Variants in RNF170 observed in about 807,000 individuals in gnomAD.
RNF170 encodes the protein ring finger protein 170.
A neutral mutation model predicts 32.7 loss-of-function variants in RNF170; 12 were observed. The ratio of observed to expected loss-of-function variants is 0.37; its 90% CI spans 0.24 to 0.60. The LOEUF (loss-of-function observed/expected upper bound fraction) is 0.60, where lower values mean the gene tolerates loss of function less well. Ranked by LOEUF, RNF170 falls within the 20% of genes least tolerant of loss-of-function variation. RNF170 has a pLI of 0.72. For synonymous variants in RNF170, 91 were observed against 103.6 expected (o/e 0.88, Z 0.74); for missense variants, 212 against 311.2 (o/e 0.68, Z 2.40).
chr8:42,882,359 A>G (rs1805481642), intron 2 of RNF170, among the ~76,000 whole-genome samples: 2 of 152,176 alleles, frequency 1.3e-5, no homozygotes, highest in Admixed American at 1.3e-4. Context: ...GAGAAACTAA[A>G]TATGGTATGT....
chr8:42,888,265 C>T (rs568816505), intron 1 of RNF170, among the ~76,000 whole-genome samples: 2 of 151,794 alleles, frequency 1.3e-5, no homozygotes, highest in Admixed American at 1.3e-4. Flanking sequence ...AGGGTTTCAC[C>T]GTGTTAGCCA....
At chr8:42,851,168 G>T (rs960543313), downstream of RNF170, among the ~76,000 whole-genome samples, 1 of 152,090 alleles carries the variant, frequency 6.6e-6, no homozygotes, top group Admixed American at 6.5e-5. Context: ...TGGACACACA[G>T]AACTCTCCTT....
chr8:42,876,273 C>G (rs1312934328), intron 2 of RNF170, among the ~76,000 whole-genome samples: 2 of 151,190 alleles, frequency 1.3e-5, no homozygotes, highest in East Asian at 3.9e-4. Context: ...TATTCTACCA[C>G]CAGATTTAAG....
chr8:42,887,430 A>C (rs969416052), intron 2 of RNF170, among the ~76,000 whole-genome samples: 6 of 152,300 alleles, frequency 3.9e-5, no homozygotes, highest in Middle Eastern at 3.4e-3. Flanking sequence ...TATCACCTAC[A>C]AGTTGATGGA....
Position 42,855,166 on chromosome 8 carries a change from G to A in RNF170, c.*993C>T. On this transcript the variant is annotated 3_prime_UTR_variant, in exon 7 of 7. Coordinates refer to ENST00000527424, the MANE Select transcript of RNF170 (RefSeq NM_030954.4). Reference sequence around the variant, plus strand: ...TTTTATATCTACTACGAAAGGATGAGCTCTTGTTTAAATGTCTAACTGTGA... The same window carrying A: ...TTTTATATCTACTACGAAAGGATGAACTCTTGTTTAAATGTCTAACTGTGA... 7.8e-7 allele frequency: 1 copy of A among 1,286,326 alleles called. No individual in the cohort carries two copies. Among genetic ancestry groups the A allele is most frequent in the Non-Finnish European group, 1.0e-6 (1 of 988,574 alleles). The allele number at this position is 1,286,326 out of a possible 1,614,324, so 79.7% of individuals were successfully genotyped here. A position where few individuals can be genotyped will look rare whatever the true frequency, so the allele number is the denominator to read the frequency against.
At chr8:42,892,416 A>G (rs146593125) in intron 1 of RNF170, among the ~76,000 whole-genome samples, 5 of 152,252 alleles carry the variant, frequency 3.3e-5, no homozygotes, top group African/African-American at 1.2e-4. Flanking sequence ...TTACCCACCT[A>G]GGCCTCCCAA....
rs1350031726 is a variant in RNF170 at position 42,865,035 on chromosome 8, T to C, written c.396+381A>G. Among the ~76,000 whole-genome samples, 8 of 151,556 alleles carry C rather than the reference T, an allele frequency of 5.3e-5. No homozygotes were observed. The South Asian group carries it at 1.2e-3, about 24-fold the overall frequency. On this transcript the variant is annotated intron_variant, in intron 5 of 6. Coordinates refer to ENST00000527424, the MANE Select transcript of RNF170 (RefSeq NM_030954.4). ...ACCTTTGGAGGCTGAGGCAGGAGGA[T>C]TGCTTGCGTTCAGGAGTTTCAGACC... is the stretch of plus-strand genomic sequence containing the variant.
At chr8:42,872,056 T>C (rs1465518499) in intron 3 of RNF170, among the ~76,000 whole-genome samples, 1 of 152,194 alleles carries the variant, frequency 6.6e-6, no homozygotes, top group African/African-American at 2.4e-5. Context: ...TTTAACTCAC[T>C]TGAATAGCCA....
At chr8:42,866,586 A>G (rs75745907) in intron 4 of RNF170, among the ~76,000 whole-genome samples, 1 of 149,914 alleles carries the variant, frequency 6.7e-6, no homozygotes, top group Non-Finnish European at 1.5e-5. Context: ...CCGTCTCAGA[A>G]AAAAAAAAAA....
chr8:42,859,043 T>A, intron 6 of RNF170, among the ~76,000 whole-genome samples: 1 of 151,490 alleles, frequency 6.6e-6, no homozygotes, highest in Non-Finnish European at 1.5e-5. Context: ...ATTAGCCGGG[T>A]TGTGGTGGCA....
At chr8:42,868,851 C>CAAA (rs56822241) in intron 4 of RNF170, among the ~76,000 whole-genome samples, 4 of 73,744 alleles carry the variant, frequency 5.4e-5, no homozygotes, top group Admixed American at 1.5e-4. Context: ...GACTGCATTT[C>CAAA]AAAAAAAAAA....
Position 42,854,005 on chromosome 8 carries a change from C to A in RNF170, c.*2154G>T, listed in dbSNP as rs1475905163. 3.9e-6 allele frequency: 5 copies of A among 1,287,030 alleles called. No individual in the cohort carries two copies. The highest frequency in any genetic ancestry group is 3.0e-5 in the African/African-American group (2 of 65,782). 79.7% of individuals were successfully genotyped at this position (1,287,030 alleles called of 1,614,324 possible). A position where few individuals can be genotyped will look rare whatever the true frequency, so the allele number is the denominator to read the frequency against. ...AAAATGACATCACCATTCCCCCACA[C>A]CAAATGTGTAATTGGTAGGAAATGC... On this transcript the variant is annotated 3_prime_UTR_variant, in exon 7 of 7. Coordinates refer to ENST00000527424, the MANE Select transcript of RNF170 (RefSeq NM_030954.4).
chr8:42,856,017 TA>T lies in RNF170; in HGVS notation c.*141del. 6.5e-7 allele frequency: 1 copy of T among 1,540,032 alleles called. No individual in the cohort carries two copies. The highest frequency in any genetic ancestry group is 8.8e-7 in the Non-Finnish European group (1 of 1,142,484). ...TTATACCTAGGTATTTGTCAAATGATAATCAAATGTTTGTCTTATAGTGGTT... is the reference window on the plus strand; with the variant it reads ...TTATACCTAGGTATTTGTCAAATGATATCAAATGTTTGTCTTATAGTGGTT... On this transcript the variant is annotated 3_prime_UTR_variant, in exon 7 of 7. Transcript: ENST00000527424.
At chr8:42,897,113 C>T, upstream of RNF170, 1 of 1,242,378 alleles carries the variant, frequency 8.0e-7, no homozygotes, top group African/African-American at 1.6e-5. Flanking sequence ...GTAGGCGCTG[C>T]CTGGCCGCGG....
chr8:42,865,276 T>C (rs1458255849), intron 5 of RNF170, 140 bp downstream of exon 5: 1 of 494,684 alleles, frequency 2.0e-6, no homozygotes, highest in Non-Finnish European at 3.6e-6. Context: ...ATAATAATAA[T>C]ATATGGTGAC....
intron 5 of RNF170, among the ~76,000 whole-genome samples, chr8:42,862,072 A>G (rs1461174428): frequency 2.0e-5 from 3 of 152,278 alleles, no homozygotes; most frequent in East Asian, 3.9e-4. Flanking sequence ...ACCATATCCA[A>G]CTACTGGCCT....
Position 42,853,873 on chromosome 8 carries a change from A to G in RNF170, c.*2286T>C. On this transcript the variant is annotated 3_prime_UTR_variant, in exon 7 of 7. Transcript: ENST00000527424. Reference sequence around the variant, plus strand: ...TATGTTACAAAATTTGGTACAATACACCTCTTTCAGGAAAGTCTTAGTAGT... The same window carrying G: ...TATGTTACAAAATTTGGTACAATACGCCTCTTTCAGGAAAGTCTTAGTAGT... The G allele has an allele frequency of 1.6e-6, 2 of 1,286,636 alleles. No individual in the cohort carries two copies. The highest frequency in any genetic ancestry group is 2.0e-6 in the Non-Finnish European group (2 of 988,214). The allele number at this position is 1,286,636 out of a possible 1,614,324, so 79.7% of individuals were successfully genotyped here.
Position 42,883,589 on chromosome 8 carries a change from A to G in RNF170, c.137+4139T>C, listed in dbSNP as rs867702455. ...GTCTCAGAAAAAAAAAAAAAAAAAA[A>G]AAAAGGTCTAGGCATGACCTATAAT... On this transcript the variant is annotated intron_variant, in intron 2 of 6. Transcript: ENST00000527424. Among the ~76,000 whole-genome samples, 735 of 151,068 alleles carry G rather than the reference A, an allele frequency of 4.9e-3. 12 individuals are homozygous for G. Among genetic ancestry groups the G allele is most frequent in the African/African-American group, 0.017 (703 of 41,216 alleles).
upstream of RNF170, chr8:42,897,218 A>G (rs771001701): frequency 3.3e-6 from 4 of 1,221,592 alleles, no homozygotes; most frequent in Non-Finnish European, 4.1e-6. Flanking sequence ...CGGCGGGAAG[A>G]CCCCCTCCCC....
Sources: allele counts gnomAD v4.1 joint callset (sites outside exome capture counted in the v4.1 genomes callset), GRCh38; gene constraint gnomAD v4.1.1; transcripts MANE v1.5; gene names NCBI Gene and HGNC (gene_info 2026-07-23, HGNC 2026-07-21).